The following SAMD8 variants were observed in gnomAD, a reference collection of about 807,000 sequenced individuals.
SAMD8 encodes sphingomyelin synthase-related protein 1.
A neutral mutation model predicts 42.0 loss-of-function variants in SAMD8; 20 were observed. The observed-to-expected ratio is 0.48, with a 90% CI of 0.34 to 0.69. The LOEUF (loss-of-function observed/expected upper bound fraction) is 0.69, where lower values mean the gene tolerates loss of function less well. Ranked by LOEUF, SAMD8 falls within the 30% of genes least tolerant of loss-of-function variation. SAMD8 has a pLI of 0.01. For synonymous variants in SAMD8, 162 were observed against 173.0 expected, an observed-to-expected ratio of 0.94 and a Z score of 0.50; for missense variants, 328 against 511.6, an observed-to-expected ratio of 0.64 and a Z score of 3.46.
At chr10:75,113,723 A>G (rs1477063160) in intron 1 of SAMD8, among the ~76,000 whole-genome samples, 1 of 152,218 alleles carries the variant, frequency 6.6e-6, no homozygotes, top group African/African-American at 2.4e-5. Context: ...TGAGATTGTT[A>G]AAGTATTAAT....
At position 75,168,669 on chromosome 10, in the gene SAMD8, A is replaced by C. The variant is rs746365809; in HGVS notation, c.792+11A>C. ...CAGTGTACTGGAAAGGTAGCCTGCT[A>C]CCTTCTTTATCATTCTTGTTTTTGG... On this transcript the variant is annotated intron_variant, in intron 4 of 5. Coordinates refer to ENST00000542569, the MANE Select transcript of SAMD8 (RefSeq NM_001174156.2). 5.2e-6 allele frequency: 8 copies of C among 1,534,846 alleles called. No individual in the cohort carries two copies. Among genetic ancestry groups the C allele is most frequent in the Non-Finnish European group, 7.2e-6 (8 of 1,107,944 alleles).
chr10:75,127,483 T>C (rs1849172160), intron 1 of SAMD8, among the ~76,000 whole-genome samples: 1 of 152,194 alleles, frequency 6.6e-6, no homozygotes, highest in South Asian at 2.1e-4. Flanking sequence ...GTACCTACTT[T>C]ATATAGTTGT....
At chr10:75,146,692 A>G (rs1840145088) in intron 1 of SAMD8, among the ~76,000 whole-genome samples, 1 of 152,188 alleles carries the variant, frequency 6.6e-6, no homozygotes. Context: ...ATGTCCTTTA[A>G]CAGATCATTT....
At chr10:75,134,901 TA>T (rs147089617) in intron 1 of SAMD8, among the ~76,000 whole-genome samples, 63 of 147,214 alleles carry the variant, frequency 4.3e-4, no homozygotes, top group Non-Finnish European at 6.0e-4. Flanking sequence ...TACAAAAAAG[TA>T]AAAAAAAAAT....
chr10:75,107,815 G>A (rs1367735377), upstream of SAMD8, among the ~76,000 whole-genome samples: 2 of 152,228 alleles, frequency 1.3e-5, no homozygotes, highest in East Asian at 1.9e-4. Flanking sequence ...GACCTCAGGC[G>A]ATCCACCCAC....
chr10:75,143,611 G>A (rs1161175902), intron 1 of SAMD8, among the ~76,000 whole-genome samples: 1 of 151,422 alleles, frequency 6.6e-6, no homozygotes, highest in Non-Finnish European at 1.5e-5. Flanking sequence ...AGCTTGGCTT[G>A]AGCCCAGTAA....
At chr10:75,101,018 G>A (rs955594646) in intron 1 of SAMD8, among the ~76,000 whole-genome samples, 2 of 152,244 alleles carry the variant, frequency 1.3e-5, no homozygotes, top group Admixed American at 1.3e-4. Context: ...CCACTCCAGG[G>A]AGGCCAGACA....
intron 1 of SAMD8, among the ~76,000 whole-genome samples, chr10:75,120,243 G>T (rs58433156): frequency 6.6e-6 from 1 of 152,088 alleles, no homozygotes; most frequent in Non-Finnish European, 1.5e-5. Context: ...ACAGTAATCA[G>T]TTACATCACT....
At chr10:75,132,314 A>G (rs1469708577) in intron 1 of SAMD8, among the ~76,000 whole-genome samples, 1 of 152,214 alleles carries the variant, frequency 6.6e-6, no homozygotes, top group Non-Finnish European at 1.5e-5. Flanking sequence ...ACACTTCAGA[A>G]TTATAAAAGG....
In SAMD8 at chr10:75,177,454, T is replaced by C. The variant is rs1370299515; in HGVS notation, c.*762T>C. The C allele has an allele frequency of 6.6e-6, 1 of 152,204 alleles. No homozygotes were observed. Among genetic ancestry groups the C allele is most frequent in the Non-Finnish European group, 1.5e-5 (1 of 68,042 alleles). 9.4% of individuals were successfully genotyped at this position (152,204 alleles called of 1,614,324 possible). A position where few individuals can be genotyped will look rare whatever the true frequency, so the allele number is the denominator to read the frequency against. On this transcript the variant is annotated 3_prime_UTR_variant, in exon 6 of 6. Transcript: ENST00000542569. ...TAAAAATAAATGGGCTTAATGTTAGTGGTATAGGTACCCAGAATAACTTCT... is the reference window on the plus strand; with the variant it reads ...TAAAAATAAATGGGCTTAATGTTAGCGGTATAGGTACCCAGAATAACTTCT...
intron 1 of SAMD8, among the ~76,000 whole-genome samples, chr10:75,143,136 G>A (rs764973769): frequency 6.6e-5 from 10 of 152,196 alleles, no homozygotes; most frequent in Non-Finnish European, 1.2e-4. Context: ...GTGAAATCTC[G>A]TCTTTACTAA....
upstream of SAMD8, chr10:75,108,273 C>T: frequency 6.5e-7 from 1 of 1,526,920 alleles, no homozygotes; most frequent in East Asian, 2.3e-5. Context: ...GAGGCTGTGC[C>T]TGGCCCCCTG....
rs1238310334 is a variant in SAMD8, at chr10:75,179,459, G to A, written c.*2767G>A. 1 of 152,172 alleles carries A rather than the reference G, an allele frequency of 6.6e-6. No individual in the cohort carries two copies. The highest frequency in any genetic ancestry group is 6.5e-5 in the Admixed American group (1 of 15,276). The allele number at this position is 152,172 out of a possible 1,614,324, so 9.4% of individuals were successfully genotyped here. ...TAGAAAAATAAATGTAACTAACTTT[G>A]CAGAGCTATTGACATTGAGAGACCT... On this transcript the variant is annotated 3_prime_UTR_variant, in exon 6 of 6. Transcript: ENST00000542569.
At chr10:75,106,052 G>A (rs909256816) in intron 1 of SAMD8, among the ~76,000 whole-genome samples, 1 of 151,300 alleles carries the variant, frequency 6.6e-6, no homozygotes, top group African/African-American at 2.4e-5. Context: ...CACCTGTTCT[G>A]CCTACCCTTG....
At chr10:75,148,346 C>CCTTTTTTTTTTTTTTT (rs1840193015) in intron 1 of SAMD8, among the ~76,000 whole-genome samples, 1 of 82,564 alleles carries the variant, frequency 1.2e-5, no homozygotes, top group African/African-American at 6.5e-5. Flanking sequence ...GCAATACCAG[C>CCTTTTTTTTTTTTTTT]TTTTTTTTTT....
At position 75,174,831 on chromosome 10, in the gene SAMD8, G is replaced by C. The variant is rs4745767; in HGVS notation, c.793-1235G>C. Among the ~76,000 whole-genome samples the C allele has an allele frequency of 1.0e-2, 1,516 of 152,192 alleles. 27 individuals carry two copies. Among genetic ancestry groups the C allele is most frequent in the African/African-American group, 0.035 (1,444 of 41,504 alleles). ...ACTGCTTTTTTAGGCGTATGTGTGGGAGTTGGGATTAGGTTTGGCTATTGA... is the reference window on the plus strand; with the variant it reads ...ACTGCTTTTTTAGGCGTATGTGTGGCAGTTGGGATTAGGTTTGGCTATTGA... On this transcript the variant is annotated intron_variant, in intron 4 of 5. Transcript: ENST00000542569.
Position 75,119,861 on chromosome 10 carries a change from T to A in SAMD8, c.-16+8139T>A, listed in dbSNP as rs1161364014. Among the ~76,000 whole-genome samples the A allele has an allele frequency of 2.6e-5, 4 of 151,722 alleles. No homozygotes were observed. In the East Asian group the frequency reaches 7.8e-4, roughly 29 times the overall value. On this transcript the variant is annotated intron_variant, in intron 1 of 5. Coordinates refer to ENST00000542569, the MANE Select transcript of SAMD8 (RefSeq NM_001174156.2). ...CAGGCGGATTGCCTGAGGTCAGGAG[T>A]TCAAGACCAGCCTGGCCAACATGGT...
chr10:75,144,882 C>T (rs1413399389), intron 1 of SAMD8, among the ~76,000 whole-genome samples: 2 of 152,156 alleles, frequency 1.3e-5, no homozygotes, highest in Non-Finnish European at 2.9e-5. Flanking sequence ...AGGTCTTGAA[C>T]TCATAGGCTT....
chr10:75,100,819 C>T (rs1848114782), intron 1 of SAMD8, among the ~76,000 whole-genome samples: 1 of 152,234 alleles, frequency 6.6e-6, no homozygotes, highest in African/African-American at 2.4e-5. Flanking sequence ...CCCCGTTTGC[C>T]TCTGTCTCCC....
Sources: allele counts gnomAD v4.1 joint callset (sites outside exome capture counted in the v4.1 genomes callset), GRCh38; gene constraint gnomAD v4.1.1; transcripts MANE v1.5; gene names NCBI Gene and HGNC (gene_info 2026-07-23, HGNC 2026-07-21).